The following ACSS3 variants were observed in gnomAD, a reference collection of about 807,000 sequenced individuals.
ACSS3 encodes acyl-CoA synthetase short chain family member 3, also known as acyl-CoA synthetase short-chain family member 3, mitochondrial.
Under a neutral mutation model 84.2 loss-of-function variants are expected in ACSS3, and 64 were observed. The observed-to-expected ratio is 0.76, with a 90% confidence interval of 0.62 to 0.94. ACSS3 has a LOEUF of 0.94. Ranked by LOEUF, ACSS3 falls within the 40% of genes least tolerant of loss-of-function variation. The probability of loss-of-function intolerance (pLI) is 0.00; values close to 1 mark genes in which losing one functional copy is unlikely to be tolerated. For synonymous variants in ACSS3, 317 were observed against 310.1 expected (o/e 1.02, Z -0.23); for missense variants, 815 against 867.6 (o/e 0.94, Z 0.76).
chr12:81,128,986 G>C (rs1189763173), intron 2 of ACSS3, among the ~76,000 whole-genome samples: 3 of 152,096 alleles, frequency 2.0e-5, no homozygotes, highest in African/African-American at 2.4e-5. Context: ...GTGACATTTA[G>C]CCCTGAAAAC....
chr12:81,169,701 G>A (rs1887565646), intron 7 of ACSS3, among the ~76,000 whole-genome samples: 2 of 151,706 alleles, frequency 1.3e-5, no homozygotes, highest in East Asian at 1.9e-4. Context: ...AGTATATCCT[G>A]GATAACTGCT....
chr12:81,235,130 ATTT>A (rs2033589761), intron 13 of ACSS3, among the ~76,000 whole-genome samples: 1 of 151,160 alleles, frequency 6.6e-6, no homozygotes, highest in East Asian at 1.9e-4. Flanking sequence ...TTGATAAATA[ATTT>A]TTTAAGTGGA....
At chr12:81,211,952 G>C (rs911451750) in intron 9 of ACSS3, among the ~76,000 whole-genome samples, 2 of 152,138 alleles carry the variant, frequency 1.3e-5, no homozygotes, top group African/African-American at 4.8e-5. Context: ...CTCTAGGTAT[G>C]AACCGACCTC....
intron 7 of ACSS3, among the ~76,000 whole-genome samples, chr12:81,154,394 C>G (rs1397857275): frequency 6.6e-6 from 1 of 152,144 alleles, no homozygotes. Flanking sequence ...ATGATTTGCT[C>G]AAGAAGAGTG....
chr12:81,235,835 G>A (rs1327990043), intron 13 of ACSS3, among the ~76,000 whole-genome samples: 1 of 151,436 alleles, frequency 6.6e-6, no homozygotes, highest in Non-Finnish European at 1.5e-5. Flanking sequence ...CTATGATCTT[G>A]TTTAACTTGC....
intron 11 of ACSS3, among the ~76,000 whole-genome samples, chr12:81,224,581 T>TCAC (rs1565730485): frequency 1.2e-4 from 18 of 150,950 alleles, no homozygotes; most frequent in Non-Finnish European, 1.5e-4. Context: ...CACATGTGTG[T>TCAC]GTGTGTGTGT....
intron 12 of ACSS3, among the ~76,000 whole-genome samples, chr12:81,231,864 C>T (rs2033476590): frequency 2.0e-5 from 3 of 151,330 alleles, no homozygotes; most frequent in Admixed American, 1.3e-4. Flanking sequence ...TCTACTACCA[C>T]CCCCCACCCC....
intron 13 of ACSS3, among the ~76,000 whole-genome samples, chr12:81,235,609 C>T (rs187241773): frequency 7.3e-5 from 11 of 151,484 alleles, no homozygotes; most frequent in African/African-American, 2.7e-4. Flanking sequence ...GAGTTCAATC[C>T]ATGAGTTTTG....
chr12:81,093,691 C>T (rs1409754494), intron 1 of ACSS3, among the ~76,000 whole-genome samples: 1 of 151,894 alleles, frequency 6.6e-6, no homozygotes, highest in Non-Finnish European at 1.5e-5. Context: ...CCAGCTTCCC[C>T]CAGTAATAAC....
At chr12:81,149,548 CTG>C (rs1442372839) in intron 5 of ACSS3, among the ~76,000 whole-genome samples, 3 of 152,048 alleles carry the variant, frequency 2.0e-5, no homozygotes, top group African/African-American at 4.8e-5. Flanking sequence ...AAATTTGAAA[CTG>C]TATTATCTGA....
chr12:81,086,376 G>C (rs555599341), intron 1 of ACSS3, among the ~76,000 whole-genome samples: 12 of 152,266 alleles, frequency 7.9e-5, no homozygotes, highest in Admixed American at 5.2e-4. Flanking sequence ...AGAAAGACCA[G>C]TTTTAAAAGA....
intron 8 of ACSS3, among the ~76,000 whole-genome samples, chr12:81,175,471 C>T (rs548863545): frequency 6.6e-6 from 1 of 152,118 alleles, no homozygotes; most frequent in African/African-American, 2.4e-5. Context: ...AGGCAGAAAA[C>T]TAACAAAGAT....
chr12:81,140,933 A>T, intron 4 of ACSS3, among the ~76,000 whole-genome samples: 1 of 152,158 alleles, frequency 6.6e-6, no homozygotes. Context: ...TTCTTATTTA[A>T]TTCTAACAAA....
At chr12:81,093,367 C>T (rs1049738286) in intron 1 of ACSS3, among the ~76,000 whole-genome samples, 3 of 151,630 alleles carry the variant, frequency 2.0e-5, no homozygotes, top group African/African-American at 4.8e-5. Context: ...GCAGGAGAAT[C>T]GCTTGAACCT....
At chr12:81,161,368 C>G (rs1028203708) in intron 7 of ACSS3, among the ~76,000 whole-genome samples, 3 of 152,082 alleles carry the variant, frequency 2.0e-5, no homozygotes, top group African/African-American at 7.2e-5. Context: ...AAGTGTAGGA[C>G]TTGTGAGTTA....
Position 81,086,797 on chromosome 12 carries a change from C to T in ACSS3, c.311+8366C>T, listed in dbSNP as rs77803467. Among the ~76,000 whole-genome samples the T allele has an allele frequency of 7.8e-3, 1,193 of 152,052 alleles. 12 individuals are homozygous for T. The highest frequency in any genetic ancestry group is 0.045 in the East Asian group (235 of 5,166). ...CTCCATGAGGGAGATCATTGCTTTC[C>T]ACTGTGGTGTGACATTTGTAAGAAA... On this transcript the variant is annotated intron_variant, in intron 1 of 15. Transcript: ENST00000548058.
At chr12:81,254,346 A>G (rs1480187701) in intron 15 of ACSS3, among the ~76,000 whole-genome samples, 2 of 152,192 alleles carry the variant, frequency 1.3e-5, no homozygotes, top group Admixed American at 1.3e-4. Flanking sequence ...CAATTAGTGA[A>G]TGAGAAAGCA....
At chr12:81,236,065 G>C (rs2033621095) in intron 13 of ACSS3, among the ~76,000 whole-genome samples, 1 of 151,400 alleles carries the variant, frequency 6.6e-6, no homozygotes, top group Non-Finnish European at 1.5e-5. Context: ...TTAGGGTAAA[G>C]GCAAGAATGG....
At chr12:81,131,068 T>C (rs1158055416) in intron 2 of ACSS3, among the ~76,000 whole-genome samples, 1 of 152,226 alleles carries the variant, frequency 6.6e-6, no homozygotes, top group African/African-American at 2.4e-5. Flanking sequence ...ACGTGATGCC[T>C]CCAGCTTTGT....
Sources: gnomAD v4.1 joint callset for allele counts (sites outside exome capture counted in the v4.1 genomes callset) on GRCh38, gnomAD v4.1.1 for gene constraint, MANE v1.5 for transcripts, NCBI Gene and HGNC (gene_info 2026-07-23, HGNC 2026-07-21) for gene names.